The following TENM3 variants were observed in gnomAD, a reference collection of about 807,000 sequenced individuals.
TENM3 encodes teneurin-3.
TENM3 carries 63 observed loss-of-function variants against 255.1 expected under a neutral mutation model. That is an observed-to-expected ratio of 0.25 (90% CI 0.20 to 0.30). The LOEUF (loss-of-function observed/expected upper bound fraction) is 0.30, where lower values mean the gene tolerates loss of function less well. Ranked by LOEUF, TENM3 falls within the 10% of genes least tolerant of loss-of-function variation. The pLI, the probability that TENM3 is intolerant of heterozygous loss-of-function variation, is 1.00. For missense variants in TENM3, 2,929 were observed against 3,461.1 expected, an observed-to-expected ratio of 0.85 and a Z score of 3.86; for synonymous variants, 1,306 against 1,322.3, an observed-to-expected ratio of 0.99 and a Z score of 0.27.
the TENM3 span, among the ~76,000 whole-genome samples, chr4:181,920,138 G>A: frequency 3.2e-4 from 49 of 151,934 alleles, no homozygotes; most frequent in Admixed American, 3.0e-3. Context: ...TATCATTGTT[G>A]GACATTTGGG....
intron 22 of TENM3, among the ~76,000 whole-genome samples, chr4:182,771,228 C>T (rs760382731): frequency 1.2e-4 from 19 of 152,214 alleles, no homozygotes; most frequent in Non-Finnish European, 2.1e-4. Flanking sequence ...GGTGAAGTTT[C>T]TGCTTCAGAT....
the TENM3 span, among the ~76,000 whole-genome samples, chr4:181,538,599 A>G: frequency 6.6e-6 from 1 of 152,144 alleles, no homozygotes; most frequent in Non-Finnish European, 1.5e-5. Context: ...GTTCCATAGA[A>G]CACCTATGAG....
the TENM3 span, among the ~76,000 whole-genome samples, chr4:181,451,605 A>G: frequency 1.3e-5 from 2 of 152,138 alleles, no homozygotes; most frequent in African/African-American, 4.8e-5. Flanking sequence ...GGAACTGGAG[A>G]CAAATGCATG....
chr4:182,504,847 C>T (rs75285983), intron 3 of TENM3, among the ~76,000 whole-genome samples: 2 of 152,088 alleles, frequency 1.3e-5, no homozygotes, highest in African/African-American at 4.8e-5. Flanking sequence ...GTAAATTGTT[C>T]TGCATTGTTT....
the TENM3 span, among the ~76,000 whole-genome samples, chr4:181,670,875 T>C: frequency 2.0e-5 from 3 of 152,194 alleles, no homozygotes; most frequent in East Asian, 3.9e-4. Flanking sequence ...CAAAAAAATC[T>C]AAACAGCAGA....
At chr4:182,794,692 C>T (rs1017158908) in intron 26 of TENM3, among the ~76,000 whole-genome samples, 1 of 152,226 alleles carries the variant, frequency 6.6e-6, no homozygotes, top group East Asian at 1.9e-4. Context: ...AAGTTTAGTG[C>T]ATGCTACCTT....
chr4:181,451,473 C>A, the TENM3 span, among the ~76,000 whole-genome samples: 1 of 152,132 alleles, frequency 6.6e-6, no homozygotes, highest in East Asian at 1.9e-4. Context: ...TAAAAATCAT[C>A]ACACTGGTTG....
chr4:181,468,132 C>CCAAAAAAAAAA, the TENM3 span, among the ~76,000 whole-genome samples: 8 of 130,720 alleles, frequency 6.1e-5, 3 homozygotes, highest in Non-Finnish European at 9.6e-5. Context: ...CCCATCTGTA[C>CCAAAAAAAAAA]AAAAAAAAAA....
At chr4:182,498,142 C>T (rs572105307) in intron 3 of TENM3, among the ~76,000 whole-genome samples, 153 of 152,058 alleles carry the variant, frequency 1.0e-3, no homozygotes, top group African/African-American at 3.5e-3. Flanking sequence ...ATAGATGCCT[C>T]ATAGTTAAAA....
the TENM3 span, among the ~76,000 whole-genome samples, chr4:182,023,612 C>A: frequency 9.9e-5 from 15 of 152,284 alleles, no homozygotes; most frequent in East Asian, 2.9e-3. Context: ...ATCACTGGCC[C>A]CCTGTGCATG....
At chr4:181,736,986 G>A in the TENM3 span, among the ~76,000 whole-genome samples, 1 of 152,130 alleles carries the variant, frequency 6.6e-6, no homozygotes, top group South Asian at 2.1e-4. Flanking sequence ...ACCAAGTCGA[G>A]TATCTAATAG....
rs1012574247 is a variant in TENM3, at chr4:182,397,603, G to T, written c.511+50674G>T. On this transcript the variant is annotated intron_variant, in intron 3 of 27. Transcript: ENST00000511685. ...GATGAGTTATCCCAGGCTGAGAAAG[G>T]TTAGAATCACACTTACCGGGGCTAC... is the stretch of plus-strand genomic sequence containing the variant. 2.6e-5 allele frequency among the ~76,000 whole-genome samples: 4 copies of T among 152,092 alleles called. No homozygotes were observed. The South Asian group carries it at 8.3e-4, about 32-fold the overall frequency.
chr4:181,676,571 T>C, the TENM3 span, among the ~76,000 whole-genome samples: 3 of 152,198 alleles, frequency 2.0e-5, no homozygotes, highest in Admixed American at 6.6e-5. Context: ...TTTTTCTTAA[T>C]CTTGTTTTCC....
At chr4:182,155,580 C>T (rs977271614) in intron 1 of TENM3, among the ~76,000 whole-genome samples, 1 of 152,168 alleles carries the variant, frequency 6.6e-6, no homozygotes. Context: ...TCTAGACTTT[C>T]ATAATCTTTC....
At chr4:181,928,461 C>T in the TENM3 span, among the ~76,000 whole-genome samples, 2 of 151,388 alleles carry the variant, frequency 1.3e-5, no homozygotes, top group Admixed American at 1.3e-4. Flanking sequence ...TGAAATAAAG[C>T]AGGAAGACAA....
chr4:181,494,758 C>A, the TENM3 span, among the ~76,000 whole-genome samples: 6 of 152,166 alleles, frequency 3.9e-5, no homozygotes, highest in African/African-American at 1.4e-4. Flanking sequence ...TATAGCCACT[C>A]ATTTTCTTCC....
chr4:181,847,628 A>G, the TENM3 span, among the ~76,000 whole-genome samples: 2 of 152,086 alleles, frequency 1.3e-5, no homozygotes, highest in East Asian at 3.9e-4. Flanking sequence ...AAATACATAT[A>G]TTTATATGCA....
the TENM3 span, among the ~76,000 whole-genome samples, chr4:181,903,986 C>G: frequency 1.3e-5 from 2 of 152,186 alleles, no homozygotes; most frequent in Non-Finnish European, 2.9e-5. Flanking sequence ...CCCACCCTCT[C>G]CCTTGAACTC....
At chr4:181,700,927 G>C in the TENM3 span, among the ~76,000 whole-genome samples, 1 of 152,016 alleles carries the variant, frequency 6.6e-6, no homozygotes, top group Non-Finnish European at 1.5e-5. Context: ...TTTTAGTAAG[G>C]AGTATTGTCA....
Sources: allele counts gnomAD v4.1 joint callset (sites outside exome capture counted in the v4.1 genomes callset), GRCh38; gene constraint gnomAD v4.1.1; transcripts MANE v1.5; gene names NCBI Gene and HGNC (gene_info 2026-07-23, HGNC 2026-07-21).